The following ENOX1 variants were observed in gnomAD, a reference collection of about 807,000 sequenced individuals.
ENOX1 encodes the protein ecto-NOX disulfide-thiol exchanger 1.
ENOX1 carries 42 observed loss-of-function variants against 82.5 expected under a neutral mutation model. That is an observed-to-expected ratio of 0.51 (90% confidence interval 0.40 to 0.66). The LOEUF (loss-of-function observed/expected upper bound fraction) is 0.66. ENOX1 is among the 30% of genes least tolerant of loss of function. The pLI is 0.00. For synonymous variants in ENOX1, 271 were observed against 282.2 expected, an observed-to-expected ratio of 0.96 and a Z score of 0.40; for missense variants, 608 against 811.6, an observed-to-expected ratio of 0.75 and a Z score of 3.05.
intron 1 of ENOX1, among the ~76,000 whole-genome samples, chr13:43,701,241 G>C (rs539689588): frequency 6.6e-6 from 1 of 152,266 alleles, no homozygotes; most frequent in African/African-American, 2.4e-5. Context: ...ACGTGCATTT[G>C]TAAAAAATAA....
chr13:43,509,270 CAT>C (rs1455606502), intron 2 of ENOX1, among the ~76,000 whole-genome samples: 3 of 152,014 alleles, frequency 2.0e-5, no homozygotes, highest in Admixed American at 6.6e-5. Context: ...GTATCTAACA[CAT>C]GTTAGAGAAA....
intron 9 of ENOX1, among the ~76,000 whole-genome samples, chr13:43,338,130 T>C (rs1174590960): frequency 2.0e-5 from 3 of 152,146 alleles, no homozygotes; most frequent in Admixed American, 1.3e-4. Context: ...TTATTAGATA[T>C]GTGTGTGTTG....
intron 2 of ENOX1, among the ~76,000 whole-genome samples, chr13:43,583,844 A>G (rs567177570): frequency 6.5e-4 from 97 of 149,774 alleles, no homozygotes; most frequent in African/African-American, 2.3e-3. Flanking sequence ...TTTTAGGGTA[A>G]GGGCCATGTC....
chr13:43,357,079 T>C (rs988121784), intron 7 of ENOX1, among the ~76,000 whole-genome samples: 1 of 151,808 alleles, frequency 6.6e-6, no homozygotes, highest in Admixed American at 6.6e-5. Flanking sequence ...TGAAGAAGAG[T>C]TGACTTTGAG....
intron 14 of ENOX1, among the ~76,000 whole-genome samples, chr13:43,252,370 G>A (rs2043508750): frequency 1.3e-5 from 2 of 152,220 alleles, no homozygotes; most frequent in South Asian, 4.1e-4. Flanking sequence ...GGAACCTAGA[G>A]TTTTCAGAGA....
intron 2 of ENOX1, among the ~76,000 whole-genome samples, chr13:43,582,581 C>CT (rs1170133800): frequency 2.1e-4 from 32 of 150,712 alleles, no homozygotes; most frequent in Non-Finnish European, 3.4e-4. Context: ...ATTTCTTTTT[C>CT]TTTTTTTTTG....
At position 43,592,094 on chromosome 13, in the gene ENOX1, G is replaced by A. The variant is rs75253540; in HGVS notation, c.-219+75385C>T. Among the ~76,000 whole-genome samples the A allele has an allele frequency of 4.7e-3, 714 of 152,210 alleles. 6 individuals are homozygous for A. Among genetic ancestry groups the A allele is most frequent in the Non-Finnish European group, 4.0e-3 (273 of 68,026 alleles). On this transcript the variant is annotated intron_variant, in intron 2 of 16. Coordinates refer to ENST00000690772, the MANE Select transcript of ENOX1 (RefSeq NM_001347969.2). Reference sequence around the variant, plus strand: ...CAATGCTTTCTCTATATTTTTCACCGTGTGTGCTCAACAAGCTCCTAGTCA... The same window carrying A: ...CAATGCTTTCTCTATATTTTTCACCATGTGTGCTCAACAAGCTCCTAGTCA...
intron 15 of ENOX1, among the ~76,000 whole-genome samples, chr13:43,235,041 C>T (rs1330084414): frequency 6.6e-6 from 1 of 152,140 alleles, no homozygotes; most frequent in African/African-American, 2.4e-5. Context: ...TTTGTTCATA[C>T]CCTAAAAGCA....
intron 2 of ENOX1, among the ~76,000 whole-genome samples, chr13:43,515,482 G>C (rs1002999451): frequency 6.6e-6 from 1 of 152,130 alleles, no homozygotes; most frequent in Non-Finnish European, 1.5e-5. Context: ...TTAGGAACAA[G>C]TCAAATACTT....
chr13:43,673,887 C>T (rs2153792380), intron 1 of ENOX1, among the ~76,000 whole-genome samples: 1 of 152,278 alleles, frequency 6.6e-6, no homozygotes, highest in South Asian at 2.1e-4. Context: ...GCAATTTTCC[C>T]TTAATCATTT....
intron 1 of ENOX1, among the ~76,000 whole-genome samples, chr13:43,714,569 A>C (rs373361748): frequency 2.8e-4 from 43 of 152,250 alleles, no homozygotes; most frequent in African/African-American, 7.9e-4. Flanking sequence ...GTAGGTCAAT[A>C]AGGACTTGCT....
intron 11 of ENOX1, among the ~76,000 whole-genome samples, chr13:43,302,166 C>T (rs1482450548): frequency 6.6e-6 from 1 of 150,454 alleles, no homozygotes; most frequent in Non-Finnish European, 1.5e-5. Context: ...AGGAGTGCAC[C>T]GAGTGCCAAT....
intron 2 of ENOX1, among the ~76,000 whole-genome samples, chr13:43,496,739 A>C (rs1476545681): frequency 6.6e-6 from 1 of 152,100 alleles, no homozygotes; most frequent in Non-Finnish European, 1.5e-5. Context: ...TTATTAAATC[A>C]ATTTACTGTA....
chr13:43,338,896 A>G (rs1007037976), intron 9 of ENOX1, among the ~76,000 whole-genome samples: 14 of 152,216 alleles, frequency 9.2e-5, no homozygotes, highest in Non-Finnish European at 1.5e-4. Context: ...CGTGTTAGCC[A>G]GGATGGTCTC....
intron 2 of ENOX1, among the ~76,000 whole-genome samples, chr13:43,640,584 T>C (rs2083592756): frequency 1.3e-5 from 2 of 152,088 alleles, no homozygotes; most frequent in Non-Finnish European, 2.9e-5. Context: ...GTTACTTGAG[T>C]AATATGCACC....
intron 2 of ENOX1, among the ~76,000 whole-genome samples, chr13:43,649,023 A>G (rs575658574): frequency 2.3e-4 from 35 of 152,354 alleles, no homozygotes; most frequent in South Asian, 1.0e-3. Flanking sequence ...TCTACTGCAC[A>G]TTTAGTTATG....
At chr13:43,504,994 T>C (rs111944469) in intron 2 of ENOX1, among the ~76,000 whole-genome samples, 40 of 151,948 alleles carry the variant, frequency 2.6e-4, no homozygotes, top group African/African-American at 9.6e-4. Flanking sequence ...AAAAGATCAA[T>C]ATCCAAAACC....
chr13:43,709,686 A>G (rs2087558394), intron 1 of ENOX1, among the ~76,000 whole-genome samples: 1 of 152,148 alleles, frequency 6.6e-6, no homozygotes, highest in Non-Finnish European at 1.5e-5. Context: ...GTTCAAGAAA[A>G]TCTGAAAAAG....
At chr13:43,359,420 C>A (rs1234455884) in intron 7 of ENOX1, among the ~76,000 whole-genome samples, 1 of 152,212 alleles carries the variant, frequency 6.6e-6, no homozygotes, top group Non-Finnish European at 1.5e-5. Context: ...TCTCCTAGGG[C>A]CCCTAAGCTA....
Sources: allele counts gnomAD v4.1 joint callset (sites outside exome capture counted in the v4.1 genomes callset), GRCh38; gene constraint gnomAD v4.1.1; transcripts MANE v1.5; gene names NCBI Gene and HGNC (gene_info 2026-07-23, HGNC 2026-07-21).